SALL4: variants seen among roughly 807,000 people sequenced by gnomAD.
SALL4 encodes the protein sal-like protein 4.
Under a neutral mutation model 60.8 loss-of-function variants are expected in SALL4, and 4 were observed. The observed-to-expected ratio is 0.07, with a 90% CI of 0.03 to 0.15. The LOEUF (loss-of-function observed/expected upper bound fraction) is 0.15. Among genes scored for constraint, SALL4 ranks in the 10% least tolerant of loss-of-function variants. The probability of loss-of-function intolerance (pLI) is 1.00; values close to 1 mark genes in which losing one functional copy is unlikely to be tolerated. For synonymous variants in SALL4, 580 were observed against 574.9 expected (o/e 1.01, Z -0.13); for missense variants, 1,178 against 1,394.7 (o/e 0.84, Z 2.48).
intron 3 of SALL4, among the ~76,000 whole-genome samples, chr20:51,787,247 C>A (rs2122956677): frequency 6.6e-6 from 1 of 152,062 alleles, no homozygotes; most frequent in Admixed American, 6.6e-5. Flanking sequence ...CATCGTGAAA[C>A]CTCGACTCTA....
Position 51,789,081 on chromosome 20 carries a change from A to G in SALL4, c.2522T>C (p.Val841Ala). The G allele has an allele frequency of 2.5e-6, 4 of 1,614,236 alleles. No homozygotes were observed. Among genetic ancestry groups the G allele is most frequent in the Non-Finnish European group, 3.4e-6 (4 of 1,180,044 alleles). The change falls in exon 3 of 4, where the codon GTT becomes GCT. Residue 841 changes from valine to alanine, a missense_variant. By Grantham distance (64) the Val-to-Ala change is moderately conservative. Coordinates refer to ENST00000217086, the MANE Select transcript of SALL4 (RefSeq NM_020436.5). The part of the protein sequence containing the change: ...RAPPTYVKVE[V>A]PGTFVGPSTL... ...CGAGGGTCCCACAAATGTGCCAGGA[A>G]CTTCAACCTTGACATAGGTCGGCGG...
intron 3 of SALL4, among the ~76,000 whole-genome samples, chr20:51,785,178 G>A (rs1295106906): frequency 6.6e-6 from 1 of 152,102 alleles, no homozygotes; most frequent in Non-Finnish European, 1.5e-5. Flanking sequence ...GCACATGCCT[G>A]TAATCCCAGC....
chr20:51,794,937 G>A (rs899045145), intron 1 of SALL4, among the ~76,000 whole-genome samples: 3 of 152,154 alleles, frequency 2.0e-5, no homozygotes, highest in Non-Finnish European at 4.4e-5. Context: ...ATGTTAAGAT[G>A]GGACAGGAAA....
In SALL4 at chr20:51,791,381, C is replaced by A. The variant is rs1361178217; in HGVS notation, c.1102G>T (p.Ala368Ser). The change falls in exon 2 of 4, where the codon GCG becomes TCG. Residue 368 changes from alanine to serine, a missense_variant. By Grantham distance (99) the Ala-to-Ser change is moderately conservative. Around this residue, in one of 5 missense-constraint regions of SALL4, gnomAD observed 853 missense variants for 1,036.8 expected, o/e 0.82. Coordinates refer to ENST00000217086, the MANE Select transcript of SALL4 (RefSeq NM_020436.5). The surrounding 1 kb of genome is among the most constrained non-coding windows in gnomAD (Gnocchi z 4.6). The part of the protein sequence containing the change: ...KGKGKPPNIS[A>S]VDVKPKDEAA... ...TCGTCTTTGGGTTTGACATCCACCG[C>A]GGAGATGTTCGGTGGCTTCCCCTTC... The A allele has an allele frequency of 2.5e-6, 4 of 1,614,168 alleles. No individual in the cohort carries two copies. Among genetic ancestry groups the A allele is most frequent in the Middle Eastern group, 3.3e-4 (2 of 6,062 alleles).
intron 1 of SALL4, among the ~76,000 whole-genome samples, chr20:51,798,773 C>G (rs1175925988): frequency 1.3e-5 from 2 of 152,030 alleles, no homozygotes; most frequent in African/African-American, 4.8e-5. Flanking sequence ...TCACGGCTCC[C>G]TTGTCGAAGA....
Position 51,801,718 on chromosome 20 carries a change from G to A in SALL4, c.130+561C>T, listed in dbSNP as rs1298348173. On this transcript the variant is annotated intron_variant, in intron 1 of 3. Coordinates refer to ENST00000217086, the MANE Select transcript of SALL4 (RefSeq NM_020436.5). The surrounding 1 kb of genome is among the most constrained non-coding windows in gnomAD (Gnocchi z 5.2). ...GGTGGCCCGCACCCCAGCTCCTGAG[G>A]GTGGGGAGAGGTCGCGCCCCCTCCC... is the stretch of plus-strand genomic sequence containing the variant. The A allele has an allele frequency of 1.3e-5, 2 of 152,578 alleles. No homozygotes were observed. The highest frequency in any genetic ancestry group is 2.9e-5 in the Non-Finnish European group (2 of 68,454). 9.5% of individuals were successfully genotyped at this position (152,578 alleles called of 1,614,324 possible).
intron 1 of SALL4, chr20:51,793,052 C>G: frequency 2.2e-6 from 2 of 927,234 alleles, no homozygotes; most frequent in South Asian, 1.0e-4. Context: ...CAGAAATGTT[C>G]ACAGCAGCAA....
In SALL4 at chr20:51,791,844, C is replaced by G; in HGVS notation, c.639G>C (p.Trp213Cys). ...GCAGACACAAGATCTGCTCGAGGACCCACGGGATGCTGTTGGCACCAGGCA... is the reference window on the plus strand; with the variant it reads ...GCAGACACAAGATCTGCTCGAGGACGCACGGGATGCTGTTGGCACCAGGCA... ...APVPGANSIP[W>C]VLEQILCLQQ... The change falls in exon 2 of 4, where the codon TGG (tryptophan) becomes TGC (cysteine). Residue 213 changes from tryptophan to cysteine, a missense_variant. Trp to Cys is a radical substitution (Grantham distance 215, BLOSUM62 -2). Transcript: ENST00000217086. This position sits in a 1 kb window ranked among gnomAD's most constrained non-coding sequence, Gnocchi z 4.6. 6.2e-7 allele frequency: 1 copy of G among 1,614,158 alleles called. No individual in the cohort carries two copies. Among genetic ancestry groups the G allele is most frequent in the Non-Finnish European group, 8.5e-7 (1 of 1,180,038 alleles).
chr20:51,799,143 CAAAT>C (rs774658525), intron 1 of SALL4, among the ~76,000 whole-genome samples: 2 of 152,170 alleles, frequency 1.3e-5, no homozygotes, highest in Non-Finnish European at 2.9e-5. Flanking sequence ...ACAATAAACA[CAAAT>C]AAAAACATTT....
intron 1 of SALL4, among the ~76,000 whole-genome samples, chr20:51,795,665 G>A (rs909147989): frequency 1.3e-5 from 2 of 152,104 alleles, no homozygotes; most frequent in Admixed American, 1.3e-4. Flanking sequence ...ACACGCTGCT[G>A]GTACGAGTGT....
Position 51,783,644 on chromosome 20 carries a change from T to C in SALL4, c.*621A>G, listed in dbSNP as rs1239126246. ...TAACAGTCTTTGGAAAAAGTCACTC[T>C]AGGTTGTACAAAGGTTCTATGTATA... On this transcript the variant is annotated 3_prime_UTR_variant, in exon 4 of 4. Coordinates refer to ENST00000217086, the MANE Select transcript of SALL4 (RefSeq NM_020436.5). The C allele has an allele frequency of 6.5e-6, 1 of 153,648 alleles. No individual in the cohort carries two copies. Among genetic ancestry groups the C allele is most frequent in the Non-Finnish European group, 1.4e-5 (1 of 69,212 alleles). The allele number at this position is 153,648 out of a possible 1,614,324, so 9.5% of individuals were successfully genotyped here.
intron 1 of SALL4, among the ~76,000 whole-genome samples, chr20:51,796,197 A>C (rs2078078188): frequency 4.0e-5 from 1 of 25,312 alleles, no homozygotes; most frequent in Admixed American, 3.8e-4. Flanking sequence ...AGACTGTCTC[A>C]AAAAAAAAAA....
rs771375342 is a variant in SALL4 at position 51,789,096 on chromosome 20, T to C, written c.2507A>G (p.Tyr836Cys). 3 of 1,614,064 alleles carry C rather than the reference T, an allele frequency of 1.9e-6. No homozygotes were observed. The East Asian group carries it at 6.7e-5, about 36-fold the overall frequency. Residue 836 changes from tyrosine to cysteine, a missense_variant, in exon 3 of 4, where the codon TAT becomes TGT. Coordinates refer to ENST00000217086, the MANE Select transcript of SALL4 (RefSeq NM_020436.5). ...PSTFIRAPPT[Y>C]VKVEVPGTFV... ...TGTGCCAGGAACTTCAACCTTGACA[T>C]AGGTCGGCGGGGCTCGGATAAACGT...
At chr20:51,800,084 T>C (rs572885529) in intron 1 of SALL4, among the ~76,000 whole-genome samples, 1 of 152,204 alleles carries the variant, frequency 6.6e-6, no homozygotes, top group Admixed American at 6.5e-5. Context: ...AAGGAGGCAA[T>C]TGGAGGCTCT....
Position 51,784,186 on chromosome 20 carries a change from G to GGA in SALL4, c.*77_*78dup, listed in dbSNP as rs1167981024. On this transcript the variant is annotated 3_prime_UTR_variant, in exon 4 of 4. Transcript: ENST00000217086. ...TATCAGTAAGAAAAAGAAAACAGGA[G>GGA]GAGATGAGTTCTTACAAAACAAAGC... is the stretch of plus-strand genomic sequence containing the variant. The GGA allele has an allele frequency of 1.3e-6, 2 of 1,518,000 alleles. No individual in the cohort carries two copies. Among genetic ancestry groups the GGA allele is most frequent in the Non-Finnish European group, 1.8e-6 (2 of 1,098,652 alleles). The allele number at this position is 1,518,000 out of a possible 1,614,324, so 94.0% of individuals were successfully genotyped here.
Sources: allele counts gnomAD v4.1 joint callset (sites outside exome capture counted in the v4.1 genomes callset), GRCh38; gene constraint gnomAD v4.1.1; regional missense constraint gnomAD v4.1.1; non-coding constraint Gnocchi (gnomAD v3.1); transcripts MANE v1.5; gene names NCBI Gene and HGNC (gene_info 2026-07-23, HGNC 2026-07-21).